Variants in AARS2 observed in about 807,000 individuals in gnomAD.
The protein encoded by AARS2 is alanyl-tRNA synthetase 2, mitochondrial.
In AARS2, 78 loss-of-function variants were observed where a neutral mutation model predicts 119.7. The observed-to-expected ratio is 0.65, with a 90% CI of 0.54 to 0.79. The LOEUF is 0.79. Among genes scored for constraint, AARS2 ranks in the 30% least tolerant of loss-of-function variants. The pLI, the probability that AARS2 is intolerant of heterozygous loss-of-function variation, is 0.00. For synonymous variants in AARS2, 502 were observed against 526.3 expected, an observed-to-expected ratio of 0.95 and a Z score of 0.63; for missense variants, 1,157 against 1,291.3, an observed-to-expected ratio of 0.90 and a Z score of 1.59.
rs745761471 is a variant in AARS2 at position 44,312,139 on chromosome 6, C to A, written c.368G>T (p.Arg123Leu). Residue 123 changes from arginine (R) to leucine (L), a missense_variant, in exon 2 of 22, where the codon CGA (arginine) becomes CTA (leucine). Physicochemically the swap from Arg to Leu is moderately radical, Grantham distance 102. Transcript: ENST00000244571. ...AAAGAAGGTATGATGGGAAAGGTCT[C>A]GACCCACATCTTCCAGGTCGTTATG... The part of the protein sequence containing the change: ...GHHNDLEDVG[R>L]DLSHHTFFEM... 4.6e-5 allele frequency: 75 copies of A among 1,614,142 alleles called. No homozygotes were observed. Among genetic ancestry groups the A allele is most frequent in the Non-Finnish European group, 6.4e-5 (75 of 1,180,062 alleles).
chr6:44,306,582 C>G, intron 7 of AARS2, 50 bp from the exon 8 acceptor site: 1 of 1,606,414 alleles, frequency 6.2e-7, no homozygotes. Context: ...ACCAACCCAC[C>G]CCCACCTCCC....
rs1350653756 is a variant in AARS2, at chr6:44,301,194, G to A, written c.2755C>T (p.Pro919Ser). 1.9e-6 allele frequency: 3 copies of A among 1,613,686 alleles called. No homozygotes were observed. The highest frequency in any genetic ancestry group is 2.5e-6 in the Non-Finnish European group (3 of 1,179,980). The change falls in exon 21 of 22, where the codon CCC becomes TCC. Residue 919 changes from proline to serine, a missense_variant. Coordinates refer to ENST00000244571, the MANE Select transcript of AARS2 (RefSeq NM_020745.4). Reference protein sequence around the residue: ...STSVLLLSPQPMGKVLCACQV... With the variant: ...STSVLLLSPQSMGKVLCACQV... ...CAGGCACACAGCACCTTCCCCATGG[G>A]CTGGGGGCTGAGTAGGAGCACAGAC...
chr6:44,308,771 T>A (rs751854104), intron 5 of AARS2, among the ~76,000 whole-genome samples: 8 of 152,022 alleles, frequency 5.3e-5, no homozygotes, highest in Non-Finnish European at 8.8e-5. Flanking sequence ...GGCTGATTTT[T>A]CTATTTTTTT....
intron 5 of AARS2, among the ~76,000 whole-genome samples, 200 bp downstream of exon 5, chr6:44,310,099 T>C (rs1380236054): frequency 2.0e-5 from 3 of 152,170 alleles, no homozygotes; most frequent in Non-Finnish European, 4.4e-5. Context: ...TCTAAATAAA[T>C]GAAAGAGGCA....
chr6:44,301,397 G>A lies in AARS2; in HGVS notation c.2666C>T (p.Ser889Phe). The A allele has an allele frequency of 1.9e-6, 3 of 1,614,018 alleles. No individual in the cohort carries two copies. The highest frequency in any genetic ancestry group is 2.5e-6 in the Non-Finnish European group (3 of 1,180,038). The change falls in exon 20 of 22, where the codon TCT becomes TTT. Residue 889 changes from serine (S) to phenylalanine (F), a missense_variant. Physicochemically the swap from Ser to Phe is radical, Grantham distance 155. Coordinates refer to ENST00000244571, the MANE Select transcript of AARS2 (RefSeq NM_020745.4). ...AGCACTCACTGAGAGAGACTCAGCA[G>A]AGACTGTGTCCACAATCAGAGGCCC... ...SKGPLIVDTV[S>F]AESLSVLVKV...
chr6:44,310,403 C>G lies in AARS2; in HGVS notation c.790G>C (p.Val264Leu). Reference protein sequence around the residue: ...GSLQPLPQRHVDTGMGLERLV... With the variant: ...GSLQPLPQRHLDTGMGLERLV... The stretch of plus-strand genomic sequence containing the variant: ...CTTTCCAGGCCCATTCCTGTGTCCA[C>G]ATGCCGCTGGGGCAGGGGCTGCAGG... Residue 264 changes from valine (V) to leucine (L), a missense_variant, in exon 5 of 22, where the codon GTG becomes CTG. Coordinates refer to ENST00000244571, the MANE Select transcript of AARS2 (RefSeq NM_020745.4). The G allele has an allele frequency of 6.2e-7, 1 of 1,614,136 alleles. No homozygotes were observed. The highest frequency in any genetic ancestry group is 8.5e-7 in the Non-Finnish European group (1 of 1,179,996).
rs367975826 is a variant in AARS2 at position 44,310,928 on chromosome 6, G to A, written c.749+66C>T. ...TTGTTTTTATATGAAACAGATCAAA[G>A]TCTTCTAATTGCCACCTTTCCCACT... On this transcript the variant is annotated intron_variant, in intron 4 of 21. Transcript: ENST00000244571. The A allele has an allele frequency of 1.9e-6, 3 of 1,600,372 alleles. 1 individual carries two copies. The South Asian group carries it at 3.3e-5, about 18-fold the overall frequency.
chr6:44,301,894 G>C (rs577907495), intron 19 of AARS2, among the ~76,000 whole-genome samples, 166 bp downstream of exon 19: 2 of 152,058 alleles, frequency 1.3e-5, no homozygotes, highest in African/African-American at 2.4e-5. Flanking sequence ...AGACAGAAGT[G>C]GGGGAATGGC....
intron 21 of AARS2, 95 bp downstream of exon 21, chr6:44,301,061 T>C: frequency 1.1e-6 from 1 of 926,188 alleles, no homozygotes; most frequent in Non-Finnish European, 1.6e-6. Flanking sequence ...CACCCAGCCT[T>C]GGCCCCTTTG....
Position 44,307,307 on chromosome 6 carries a change from T to C in AARS2, c.982A>G (p.Ile328Val), listed in dbSNP as rs1785943789. Residue 328 changes from isoleucine to valine, a missense_variant, in exon 6 of 22, where the codon ATC becomes GTC. Transcript: ENST00000244571. The surrounding 1 kb of genome is among the most constrained non-coding windows in gnomAD (Gnocchi z 4.4). Reference sequence around the variant, plus strand: ...GAGATGCAGACACTGAGTGTGCGGATGTGGTCAGCCACCACGCGGTACGCT... The same window carrying C: ...GAGATGCAGACACTGAGTGTGCGGACGTGGTCAGCCACCACGCGGTACGCT... ...DTAYRVVADH[I>V]RTLSVCISDG... 1 of 1,613,492 alleles carries C rather than the reference T, an allele frequency of 6.2e-7. No homozygotes were observed. The highest frequency in any genetic ancestry group is 8.5e-7 in the Non-Finnish European group (1 of 1,179,854).
At chr6:44,304,871 G>A (rs2153354583) in intron 11 of AARS2, 54 bp from the exon 12 acceptor site, 1 of 1,612,578 alleles carries the variant, frequency 6.2e-7, no homozygotes, top group East Asian at 2.2e-5. Flanking sequence ...GGACGTGAAG[G>A]TGGGTCTGTG....
Position 44,311,154 on chromosome 6 carries a change from C to G in AARS2, c.589G>C (p.Ala197Pro). The stretch of plus-strand genomic sequence containing the variant: ...GGTCCAAAGGAAAGCACACGGCTAG[C>G]AGGCACCCTGGGGAGAAAAGCAGGT... ...RDIWLSLGVP[A>P]SRVLSFGPQE... The change falls in exon 4 of 22, where the codon GCT (alanine) becomes CCT (proline). Residue 197 changes from alanine to proline, a missense_variant. By Grantham distance (27) the Ala-to-Pro change is conservative. Coordinates refer to ENST00000244571, the MANE Select transcript of AARS2 (RefSeq NM_020745.4). The G allele has an allele frequency of 1.9e-6, 3 of 1,614,130 alleles. No individual in the cohort carries two copies. The highest frequency in any genetic ancestry group is 2.5e-6 in the Non-Finnish European group (3 of 1,180,048).
chr6:44,312,019 A>C (rs1786403105), intron 2 of AARS2, 53 bp downstream of exon 2: 17 of 1,597,268 alleles, frequency 1.1e-5, no homozygotes, highest in Non-Finnish European at 1.4e-5. Flanking sequence ...GTACAATGGA[A>C]ACAGGACAAA....
In AARS2 at chr6:44,305,265, C is replaced by T; in HGVS notation, c.1435-67G>A. 1 of 1,594,278 alleles carries T rather than the reference C, an allele frequency of 6.3e-7. No individual in the cohort carries two copies. Among genetic ancestry groups the T allele is most frequent in the African/African-American group, 1.3e-5 (1 of 74,882 alleles). On this transcript the variant is annotated intron_variant, in intron 10 of 21. Transcript: ENST00000244571. The surrounding 1 kb of genome is among the most constrained non-coding windows in gnomAD (Gnocchi z 4.6). ...GAAAGAATGAAAGTGGGACTTCAGC[C>T]TCGCAGGGCCCTGTCCCTGCCACAC...
chr6:44,306,969 G>T lies in AARS2; in HGVS notation c.1103C>A (p.Pro368Gln). The T allele has an allele frequency of 6.2e-7, 1 of 1,614,036 alleles. No homozygotes were observed. Among genetic ancestry groups the T allele is most frequent in the Admixed American group, 1.7e-5 (1 of 60,014 alleles). Residue 368 changes from proline to glutamine, a missense_variant, in exon 7 of 22, where the codon CCA becomes CAA. Physicochemically the swap from Pro to Gln is moderately conservative, Grantham distance 76. Coordinates refer to ENST00000244571, the MANE Select transcript of AARS2 (RefSeq NM_020745.4). The stretch of plus-strand genomic sequence containing the variant: ...TACCAGGCTGCCTAGGAAGCCAGGT[G>T]GTGCCTTTAAGATCTCCATGGAGAA... ...VRFSMEILKAPPGFLGSLVPV... is the reference protein window; with the variant it reads ...VRFSMEILKAQPGFLGSLVPV...
rs78200360 is a variant in AARS2 at position 44,306,793 on chromosome 6, T to C, written c.1149+130A>G. On this transcript the variant is annotated intron_variant, in intron 7 of 21. Coordinates refer to ENST00000244571, the MANE Select transcript of AARS2 (RefSeq NM_020745.4). Reference sequence around the variant, plus strand: ...AAGGACAGCTTTCTTAGCTTGCTGATAGGATGCTGGGCTCGATATTTAGGG... The same window carrying C: ...AAGGACAGCTTTCTTAGCTTGCTGACAGGATGCTGGGCTCGATATTTAGGG... 1.6e-4 allele frequency: 151 copies of C among 918,838 alleles called. 1 individual carries two copies. In the East Asian group the frequency reaches 3.1e-3, roughly 19 times the overall value. 56.9% of individuals were successfully genotyped at this position (918,838 alleles called of 1,614,324 possible).
At position 44,305,155 on chromosome 6, in the gene AARS2, C is replaced by T. The variant is rs746174364; in HGVS notation, c.1478G>A (p.Trp493Ter). ...CTCCCCAAGCGCATGGACATCAAGC[C>T]ACAATCCCTGCTTCTGAACTGGCTC... ...QAEPVQKQGLWLDVHALGELQ... is the reference protein window; with the variant it reads ...QAEPVQKQGL The change falls in exon 11 of 22, where the codon TGG becomes TAG. Residue 493 changes from tryptophan (W) to a stop codon, truncating the protein, a stop_gained. Coordinates refer to ENST00000244571, the MANE Select transcript of AARS2 (RefSeq NM_020745.4). LOFTEE classifies it high-confidence loss of function. The surrounding 1 kb of genome is among the most constrained non-coding windows in gnomAD (Gnocchi z 4.6). 3 of 1,613,640 alleles carry T rather than the reference C, an allele frequency of 1.9e-6. No individual in the cohort carries two copies. The South Asian group carries it at 3.3e-5, about 18-fold the overall frequency.
In AARS2 at chr6:44,307,043, C is replaced by T. The variant is rs770473840; in HGVS notation, c.1041-12G>A. ...GACGAAGAACCAGCCTAAAGGGGTT[C>T]AGAGCCCAGACATGAATCCCCAGCG... On this transcript the variant is annotated splice_polypyrimidine_tract_variant and intron_variant, in intron 6 of 21. Coordinates refer to ENST00000244571, the MANE Select transcript of AARS2 (RefSeq NM_020745.4). This position sits in a 1 kb window ranked among gnomAD's most constrained non-coding sequence, Gnocchi z 4.4. 2.1e-5 allele frequency: 34 copies of T among 1,613,812 alleles called. No individual in the cohort carries two copies. Among genetic ancestry groups the T allele is most frequent in the Non-Finnish European group, 2.8e-5 (33 of 1,179,906 alleles).
chr6:44,304,774 C>T lies in AARS2; in HGVS notation c.1623G>A (p.Glu541=), dbSNP rs1316846097. ...CEAQVLQLYT[E]DGTAVASVGK... ...CCACGGAGGCCACTGCTGTCCCGTC[C>T]TCTGTATACAGTTGCAACACCTGGG... is the stretch of plus-strand genomic sequence containing the variant. Residue 541 remains glutamate (E), a synonymous_variant, in exon 12 of 22, where the codon GAG becomes GAA. Transcript: ENST00000244571. 2 of 1,614,104 alleles carry T rather than the reference C, an allele frequency of 1.2e-6. No homozygotes were observed. Among genetic ancestry groups the T allele is most frequent in the African/African-American group, 1.3e-5 (1 of 74,936 alleles).
Sources: allele counts gnomAD v4.1 joint callset (sites outside exome capture counted in the v4.1 genomes callset), GRCh38; gene constraint gnomAD v4.1.1; non-coding constraint Gnocchi (gnomAD v3.1); transcripts MANE v1.5; gene names NCBI Gene and HGNC (gene_info 2026-07-23, HGNC 2026-07-21).